DENND2B: variants seen among roughly 807,000 people sequenced by gnomAD.
DENND2B encodes DENN domain-containing protein 2B.
DENND2B carries 32 observed loss-of-function variants against 116.0 expected under a neutral mutation model. That is an observed-to-expected ratio of 0.28 (90% confidence interval 0.21 to 0.37). The LOEUF is 0.37. Ranked by LOEUF, DENND2B falls within the 10% of genes least tolerant of loss-of-function variation. The pLI, the probability that DENND2B is intolerant of heterozygous loss-of-function variation, is 1.00. For missense variants in DENND2B, 1,276 were observed against 1,477.7 expected (o/e 0.86, Z 2.24); for synonymous variants, 588 against 583.9 (o/e 1.01, Z -0.10).
chr11:8,736,500 T>C (rs1592937933), intron 2 of DENND2B, among the ~76,000 whole-genome samples: 1 of 152,194 alleles, frequency 6.6e-6, no homozygotes, highest in Admixed American at 6.5e-5. Flanking sequence ...GTGAGACGGT[T>C]TGGGGGCCAA....
chr11:8,804,965 G>C (rs2060714639), intron 1 of DENND2B, among the ~76,000 whole-genome samples: 1 of 152,206 alleles, frequency 6.6e-6, no homozygotes, highest in Non-Finnish European at 1.5e-5. Context: ...ATACTGGAAA[G>C]CATTGGACAT....
chr11:8,841,389 A>G (rs571688708), intron 3 of DENND2B, among the ~76,000 whole-genome samples: 1 of 152,306 alleles, frequency 6.6e-6, no homozygotes, highest in South Asian at 2.1e-4. Flanking sequence ...CTGTAATCCC[A>G]GCACTCTGGG....
intron 3 of DENND2B, among the ~76,000 whole-genome samples, chr11:8,842,018 T>C (rs887568202): frequency 6.6e-5 from 10 of 152,176 alleles, no homozygotes; most frequent in African/African-American, 2.4e-4. Flanking sequence ...GAAAGAAATC[T>C]GCAATCAAAT....
chr11:8,706,228 A>G (rs867636209), intron 13 of DENND2B, among the ~76,000 whole-genome samples: 29 of 152,212 alleles, frequency 1.9e-4, no homozygotes, highest in African/African-American at 7.0e-4. Context: ...ACCACTGCAC[A>G]ATATGGGTGG....
In DENND2B at chr11:8,841,083, A is replaced by T. The variant is rs550282771; in HGVS notation, c.-155-1733T>A. On this transcript the variant is annotated intron_variant, in intron 3 of 6. Transcript: ENST00000524757. ...CAAATATCAAGAAACTTACGCTGTCATTTTCCATGATTCAAACATCTTAAA... is the reference window on the plus strand; with the variant it reads ...CAAATATCAAGAAACTTACGCTGTCTTTTTCCATGATTCAAACATCTTAAA... Among the ~76,000 whole-genome samples the T allele has an allele frequency of 3.9e-5, 6 of 152,328 alleles. No homozygotes were observed. The East Asian group carries it at 1.2e-3, about 29-fold the overall frequency.
chr11:8,829,716 G>A (rs1226516830), intron 4 of DENND2B, among the ~76,000 whole-genome samples: 28 of 152,068 alleles, frequency 1.8e-4, no homozygotes, highest in Admixed American at 1.8e-3. Context: ...TGTCTTAGGA[G>A]GGAGAGGCCT....
chr11:8,748,476 G>A (rs1330023545), intron 2 of DENND2B, among the ~76,000 whole-genome samples: 2 of 152,168 alleles, frequency 1.3e-5, no homozygotes, highest in East Asian at 3.8e-4. Context: ...CCCAGATGTG[G>A]CCAGGGGTGA....
intron 1 of DENND2B, among the ~76,000 whole-genome samples, chr11:8,796,026 A>G (rs948177014): frequency 5.3e-5 from 8 of 152,338 alleles, no homozygotes; most frequent in Admixed American, 3.9e-4. Flanking sequence ...GTGACTTACC[A>G]AAGAAATTCC....
intron 4 of DENND2B, among the ~76,000 whole-genome samples, chr11:8,816,955 G>A (rs529149453): frequency 1.3e-5 from 2 of 152,232 alleles, no homozygotes; most frequent in African/African-American, 4.8e-5. Flanking sequence ...GCAGAGCCCC[G>A]GGCTTGGGGC....
At chr11:8,863,192 A>G (rs1056790049) in intron 2 of DENND2B, among the ~76,000 whole-genome samples, 2 of 151,416 alleles carry the variant, frequency 1.3e-5, no homozygotes, top group Non-Finnish European at 1.5e-5. Context: ...AAAATTTTAA[A>G]TGGCCCTCTG....
At chr11:8,794,785 A>C (rs539094135) in intron 1 of DENND2B, 1 of 152,428 alleles carries the variant, frequency 6.6e-6, no homozygotes, top group African/African-American at 2.4e-5. Flanking sequence ...GGCAGCAACA[A>C]GGAGAAAACC....
At chr11:8,851,674 A>T (rs546114553) in intron 3 of DENND2B, among the ~76,000 whole-genome samples, 2 of 152,318 alleles carry the variant, frequency 1.3e-5, no homozygotes, top group African/African-American at 4.8e-5. Flanking sequence ...GCACTAAAAT[A>T]TGGGTATAAG....
chr11:8,850,250 C>G (rs2062959868), intron 3 of DENND2B, among the ~76,000 whole-genome samples: 1 of 151,976 alleles, frequency 6.6e-6, no homozygotes. Context: ...ATGAGTTGTT[C>G]TTAATATTTT....
chr11:8,761,847 A>T (rs1158349522), intron 1 of DENND2B, among the ~76,000 whole-genome samples: 2 of 152,232 alleles, frequency 1.3e-5, no homozygotes, highest in Admixed American at 1.3e-4. Flanking sequence ...GTTTTACCAC[A>T]GATAGCTTAC....
chr11:8,702,810 C>T lies in DENND2B; in HGVS notation c.2572-90G>A. 1 of 1,504,394 alleles carries T rather than the reference C, an allele frequency of 6.6e-7. No homozygotes were observed. The highest frequency in any genetic ancestry group is 1.4e-5 in the African/African-American group (1 of 72,252). The allele number at this position is 1,504,394 out of a possible 1,614,324, so 93.2% of individuals were successfully genotyped here. Reference sequence around the variant, plus strand: ...ACGAAGCAACTGGAGCTGCTTTCCCCTTCCAACCTGCTCTTTTCCAGGTCT... The same window carrying T: ...ACGAAGCAACTGGAGCTGCTTTCCCTTTCCAACCTGCTCTTTTCCAGGTCT... On this transcript the variant is annotated intron_variant, in intron 13 of 19. Transcript: ENST00000313726. The surrounding 1 kb of genome is among the most constrained non-coding windows in gnomAD (Gnocchi z 4.6).
At chr11:8,701,906 C>T in intron 14 of DENND2B, among the ~76,000 whole-genome samples, 1 of 152,050 alleles carries the variant, frequency 6.6e-6, no homozygotes, top group East Asian at 1.9e-4. Flanking sequence ...TTTTCTTACT[C>T]CTCCTAAACC....
intron 1 of DENND2B, among the ~76,000 whole-genome samples, chr11:8,767,894 TCAC>T (rs1359454534): frequency 1.3e-5 from 2 of 152,152 alleles, no homozygotes; most frequent in Non-Finnish European, 2.9e-5. Flanking sequence ...CCTTCTACTA[TCAC>T]CACTAGAGAT....
At chr11:8,750,198 A>G (rs1337015558) in intron 2 of DENND2B, among the ~76,000 whole-genome samples, 1 of 152,216 alleles carries the variant, frequency 6.6e-6, no homozygotes, top group Non-Finnish European at 1.5e-5. Context: ...CGGTTTCTCT[A>G]AACTCCTATA....
At position 8,823,427 on chromosome 11, in the gene DENND2B, T is replaced by C. The variant is rs547218305; in HGVS notation, c.-114-12092A>G. ...TTTATCACATTTATTGATTTGCATA[T>C]GTTGAGCCATCTGATATGGTTTGGC... On this transcript the variant is annotated intron_variant, in intron 4 of 6. Transcript: ENST00000524757. 3.1e-3 allele frequency among the ~76,000 whole-genome samples: 473 copies of C among 152,332 alleles called. 2 individuals carry two copies. The highest frequency in any genetic ancestry group is 5.5e-3 in the Non-Finnish European group (377 of 68,042).
Sources: gnomAD v4.1 joint callset for allele counts (sites outside exome capture counted in the v4.1 genomes callset) on GRCh38, gnomAD v4.1.1 for gene constraint, Gnocchi (gnomAD v3.1) non-coding constraint, MANE v1.5 for transcripts, NCBI Gene and HGNC (gene_info 2026-07-23, HGNC 2026-07-21) for gene names.